Variants in COIL observed in about 807,000 individuals in gnomAD.
COIL encodes coilin.
In COIL, 28 loss-of-function variants were observed where a neutral mutation model predicts 51.6. That is an observed-to-expected ratio of 0.54 (90% CI 0.40 to 0.74). The LOEUF is 0.74. COIL is among the 30% of genes least tolerant of loss of function. COIL has a pLI of 0.00. For missense variants in COIL, 667 were observed against 685.9 expected, an observed-to-expected ratio of 0.97 and a Z score of 0.31; for synonymous variants, 233 against 255.8, an observed-to-expected ratio of 0.91 and a Z score of 0.85.
At position 56,939,101 on chromosome 17, in the gene COIL, T is replaced by G; in HGVS notation, c.1701A>C (p.Pro567=). 2 of 1,602,184 alleles carry G rather than the reference T, an allele frequency of 1.2e-6. No individual in the cohort carries two copies. The highest frequency in any genetic ancestry group is 8.6e-7 in the Non-Finnish European group (1 of 1,169,182). The change falls in exon 7 of 7, where the codon CCA becomes CCC. Residue 567 remains proline (P), a synonymous_variant. Coordinates refer to ENST00000240316, the MANE Select transcript of COIL (RefSeq NM_004645.3). The stretch of plus-strand genomic sequence containing the variant: ...CAGGTTCTGTACTTGATGTGTTACT[T>G]GGAGATTCAATAATCAGTCTTGGGT... ...LIDPRLIIES[P]SNTSSTEPA
chr17:56,959,386 T>C (rs1305426022), intron 1 of COIL, among the ~76,000 whole-genome samples: 1 of 152,096 alleles, frequency 6.6e-6, no homozygotes, highest in Non-Finnish European at 1.5e-5. Context: ...CAGTCCAAGA[T>C]ATGAATCCAA....
At chr17:56,948,030 T>C (rs1305158856) in intron 4 of COIL, among the ~76,000 whole-genome samples, 1 of 151,908 alleles carries the variant, frequency 6.6e-6, no homozygotes, top group East Asian at 1.9e-4. Flanking sequence ...CCATAGGAGA[T>C]AGTAAGTGCC....
intron 1 of COIL, among the ~76,000 whole-genome samples, chr17:56,951,945 C>T (rs955889904): frequency 5.3e-5 from 8 of 152,036 alleles, no homozygotes; most frequent in South Asian, 4.1e-4. Context: ...GAATTACAGG[C>T]GCCTGCCACT....
intron 4 of COIL, among the ~76,000 whole-genome samples, chr17:56,948,794 C>A (rs1910301000): frequency 6.8e-6 from 1 of 147,856 alleles, no homozygotes; most frequent in Non-Finnish European, 1.5e-5. Flanking sequence ...CCTGATAATG[C>A]AGAAGAAATC....
chr17:56,959,639 T>C (rs1405773667), intron 1 of COIL, among the ~76,000 whole-genome samples: 1 of 152,196 alleles, frequency 6.6e-6, no homozygotes, highest in Non-Finnish European at 1.5e-5. Flanking sequence ...CAGGGGACAC[T>C]GGGCACATGA....
intron 1 of COIL, among the ~76,000 whole-genome samples, chr17:56,955,276 G>A (rs1043695944): frequency 6.6e-6 from 1 of 152,176 alleles, no homozygotes; most frequent in Non-Finnish European, 1.5e-5. Flanking sequence ...ACGTTGGTCA[G>A]GCTGGTCTCG....
chr17:56,950,747 T>A lies in COIL; in HGVS notation c.495A>T (p.Lys165Asn). ...DQTVSKKNKR[K>N]NKATCGTVGD... ...CCACTGTGCCACAGGTTGCTTTATT[T>A]TTTCTCTTGTTTTTTTTGCTGACAG... Residue 165 changes from lysine to asparagine, a missense_variant, in exon 2 of 7, where the codon AAA (lysine) becomes AAT (asparagine). Physicochemically the swap from Lys to Asn is moderately conservative, Grantham distance 94. Transcript: ENST00000240316. The A allele has an allele frequency of 6.2e-7, 1 of 1,614,068 alleles. No homozygotes were observed. Among genetic ancestry groups the A allele is most frequent in the Non-Finnish European group, 8.5e-7 (1 of 1,180,032 alleles).
At position 56,960,821 on chromosome 17, in the gene COIL, G is replaced by C; in HGVS notation, c.199C>G (p.Pro67Ala). The C allele has an allele frequency of 1.9e-6, 3 of 1,592,564 alleles. No individual in the cohort carries two copies. The highest frequency in any genetic ancestry group is 2.6e-6 in the Non-Finnish European group (3 of 1,171,426). ...ACAAGGCGCGCGCTCTCGGCGGGGG[G>C]CAAGAGCCCCCCCTCCAGGTAGAGG... Reference protein sequence around the residue: ...LGLYLEGGLLPPAESARLVRD... With the variant: ...LGLYLEGGLLAPAESARLVRD... The change falls in exon 1 of 7, where the codon CCC becomes GCC. Residue 67 changes from proline to alanine, a missense_variant. Coordinates refer to ENST00000240316, the MANE Select transcript of COIL (RefSeq NM_004645.3).
intron 1 of COIL, among the ~76,000 whole-genome samples, chr17:56,960,443 G>T (rs1910568196): frequency 6.6e-6 from 1 of 150,954 alleles, no homozygotes; most frequent in Non-Finnish European, 1.5e-5. Context: ...AAAATTGCTT[G>T]AACCCGGGAG....
chr17:56,959,310 C>G (rs1188628451), intron 1 of COIL, among the ~76,000 whole-genome samples: 2 of 151,916 alleles, frequency 1.3e-5, no homozygotes, highest in African/African-American at 2.4e-5. Flanking sequence ...TACCACTGCA[C>G]TCCAGCCTGG....
chr17:56,939,525 G>A lies in COIL; in HGVS notation c.1648-371C>T, dbSNP rs1056334362. Reference sequence around the variant, plus strand: ...AGCACTCTGGGAGGCCAAGGCAGTCGGATCATCTAAAGTCAGGAGTTCAAG... The same window carrying A: ...AGCACTCTGGGAGGCCAAGGCAGTCAGATCATCTAAAGTCAGGAGTTCAAG... On this transcript the variant is annotated intron_variant, in intron 6 of 6. Transcript: ENST00000240316. Among the ~76,000 whole-genome samples the A allele has an allele frequency of 7.2e-5, 11 of 152,106 alleles. No individual in the cohort carries two copies. In the East Asian group the frequency reaches 1.2e-3, roughly 16 times the overall value.
intron 4 of COIL, 149 bp downstream of exon 4, chr17:56,949,238 T>C (rs1430276174): frequency 6.5e-6 from 4 of 616,268 alleles, no homozygotes; most frequent in African/African-American, 1.9e-5. Flanking sequence ...TATTAAAGAG[T>C]TGACATTTCG....
intron 1 of COIL, among the ~76,000 whole-genome samples, chr17:56,954,545 T>G (rs889900495): frequency 1.3e-5 from 2 of 151,080 alleles, no homozygotes; most frequent in African/African-American, 4.9e-5. Context: ...TGGCGACAGA[T>G]AGAGACTCTG....
rs761853643 is a variant in COIL at position 56,960,833 on chromosome 17, C to T, written c.187G>A (p.Gly63Arg). The T allele has an allele frequency of 1.9e-6, 3 of 1,604,474 alleles. No individual in the cohort carries two copies. Among genetic ancestry groups the T allele is most frequent in the Non-Finnish European group, 2.6e-6 (3 of 1,176,092 alleles). The change falls in exon 1 of 7, where the codon GGG becomes AGG. Residue 63 changes from glycine (G) to arginine (R), a missense_variant. Transcript: ENST00000240316. ...SGAFLGLYLE[G>R]GLLPPAESAR... ...CTCTCGGCGGGGGGCAAGAGCCCCC[C>T]CTCCAGGTAGAGGCCTAGGAAGGCC...
intron 1 of COIL, among the ~76,000 whole-genome samples, chr17:56,952,844 C>A (rs1173625609): frequency 6.6e-6 from 1 of 151,748 alleles, no homozygotes; most frequent in African/African-American, 2.4e-5. Flanking sequence ...TCTGAATAAC[C>A]CTACTTCATC....
chr17:56,942,253 A>G, intron 5 of COIL, 130 bp from the exon 6 acceptor site: 1 of 748,582 alleles, frequency 1.3e-6, no homozygotes, highest in Non-Finnish European at 2.3e-6. Context: ...AAGGCTGGGT[A>G]TGTACAGGAA....
At chr17:56,953,660 G>A (rs551270050) in intron 1 of COIL, among the ~76,000 whole-genome samples, 36 of 152,230 alleles carry the variant, frequency 2.4e-4, no homozygotes, top group Non-Finnish European at 4.3e-4. Flanking sequence ...AGAACAACTG[G>A]TGAATGATAG....
chr17:56,949,530 G>A lies in COIL; in HGVS notation c.1441-96C>T, dbSNP rs985872981. The A allele has an allele frequency of 4.3e-5, 62 of 1,439,152 alleles. No homozygotes were observed. In the African/African-American group the frequency reaches 6.9e-4, roughly 16 times the overall value. 89.1% of individuals were successfully genotyped at this position (1,439,152 alleles called of 1,614,324 possible). On this transcript the variant is annotated intron_variant, in intron 3 of 6. Coordinates refer to ENST00000240316, the MANE Select transcript of COIL (RefSeq NM_004645.3). ...CATGCCATGTTGGCGTGTCCACCCCGACCAGTCTGGGAGCCCTACCAGGAA... is the reference window on the plus strand; with the variant it reads ...CATGCCATGTTGGCGTGTCCACCCCAACCAGTCTGGGAGCCCTACCAGGAA...
Position 56,960,940 on chromosome 17 carries a change from C to A in COIL, c.80G>T (p.Trp27Leu). Residue 27 changes from tryptophan (W) to leucine (L), a missense_variant, in exon 1 of 7, where the codon TGG becomes TTG. Transcript: ENST00000240316. ...GCATCTGTTCAAGTCGACCAGAAGC[C>A]AGAAGGCCGTACAGTGCGGGGTAGC... ...PPATPHCTAFWLLVDLNRCRV... is the reference protein window; with the variant it reads ...PPATPHCTAFLLLVDLNRCRV... 1 of 1,614,194 alleles carries A rather than the reference C, an allele frequency of 6.2e-7. No homozygotes were observed. The highest frequency in any genetic ancestry group is 8.5e-7 in the Non-Finnish European group (1 of 1,180,030).
Sources: allele counts gnomAD v4.1 joint callset (sites outside exome capture counted in the v4.1 genomes callset), GRCh38; gene constraint gnomAD v4.1.1; transcripts MANE v1.5; gene names NCBI Gene and HGNC (gene_info 2026-07-23, HGNC 2026-07-21).